The following BTG4 variants were observed in gnomAD, a reference collection of about 807,000 sequenced individuals.
BTG4 encodes the protein BTG anti-proliferation factor 4.
BTG4 carries 10 observed loss-of-function variants against 19.3 expected under a neutral mutation model. The observed-to-expected ratio is 0.52, with a 90% confidence interval of 0.32 to 0.88. The LOEUF (loss-of-function observed/expected upper bound fraction) is 0.88, where lower values mean the gene tolerates loss of function less well. Among genes scored for constraint, BTG4 ranks in the 40% least tolerant of loss-of-function variants. The probability of loss-of-function intolerance (pLI) is 0.04; values close to 1 mark genes in which losing one functional copy is unlikely to be tolerated. For missense variants in BTG4, 238 were observed against 281.9 expected, an observed-to-expected ratio of 0.84 and a Z score of 1.11; for synonymous variants, 91 against 95.7, an observed-to-expected ratio of 0.95 and a Z score of 0.29.
At chr11:111,467,490 G>A (rs150727087), downstream of BTG4, 32 of 514,240 alleles carry the variant, frequency 6.2e-5, no homozygotes, top group South Asian at 2.7e-4. Flanking sequence ...CTGATGCCAC[G>A]TAGCTGAGAT....
the BTG4 span, among the ~76,000 whole-genome samples, chr11:111,396,388 A>T: frequency 2.0e-5 from 3 of 152,004 alleles, no homozygotes; most frequent in Non-Finnish European, 2.9e-5. Context: ...AGTCAGCCCC[A>T]TTTCCCTTCC....
chr11:111,402,518 G>A, the BTG4 span, among the ~76,000 whole-genome samples: 7 of 152,176 alleles, frequency 4.6e-5, no homozygotes, highest in Non-Finnish European at 8.8e-5. Context: ...AGGAGGGATT[G>A]TTGCCTATTT....
At chr11:111,455,261 CGCT>C in the BTG4 span, 3 of 352,288 alleles carry the variant, frequency 8.5e-6, no homozygotes, top group South Asian at 6.3e-5. Flanking sequence ...TCCCCTTTGC[CGCT>C]GCTGCCATGC....
the BTG4 span, chr11:111,450,450 G>A: frequency 6.5e-6 from 1 of 152,688 alleles, no homozygotes; most frequent in African/African-American, 2.4e-5. Context: ...TGGATGGTAA[G>A]AGAGCTGGAC....
intron 5 of BTG4, among the ~76,000 whole-genome samples, chr11:111,479,714 T>C (rs1210594203): frequency 6.6e-6 from 1 of 152,104 alleles, no homozygotes; most frequent in Non-Finnish European, 1.5e-5. Context: ...ATATTATAAA[T>C]GGGGGAAGAT....
At chr11:111,402,598 C>T in the BTG4 span, among the ~76,000 whole-genome samples, 1 of 152,126 alleles carries the variant, frequency 6.6e-6, no homozygotes, top group Non-Finnish European at 1.5e-5. Context: ...AATATTTGTT[C>T]GATGGATGAA....
the BTG4 span, among the ~76,000 whole-genome samples, chr11:111,452,071 T>C: frequency 6.6e-6 from 1 of 152,238 alleles, no homozygotes; most frequent in Admixed American, 6.5e-5. Context: ...CATGGTTTTA[T>C]CTGTGTGACC....
At chr11:111,490,134 T>C (rs1176703339), downstream of BTG4, among the ~76,000 whole-genome samples, 1 of 148,208 alleles carries the variant, frequency 6.7e-6, no homozygotes, top group Non-Finnish European at 1.5e-5. Context: ...AAAAAAAAAT[T>C]AGCTGGGTGT....
In BTG4 at chr11:111,494,816, A is replaced by G. The variant is rs1289385054; in HGVS notation, c.*319T>C. The G allele has an allele frequency of 2.2e-6, 2 of 899,546 alleles. No homozygotes were observed. The highest frequency in any genetic ancestry group is 1.2e-4 in the East Asian group (1 of 8,416). 55.7% of individuals were successfully genotyped at this position (899,546 alleles called of 1,614,324 possible). ...CTTGCAACAAACTGAACTAAGAAGT[A>G]TTAAAAACACTGTACGTTTATTTAA... On this transcript the variant is annotated 3_prime_UTR_variant, in exon 5 of 5. Coordinates refer to ENST00000692032, the MANE Select transcript of BTG4 (RefSeq NM_001367975.1).
At chr11:111,509,493 G>C (rs1472292959) in intron 1 of BTG4, among the ~76,000 whole-genome samples, 3 of 151,944 alleles carry the variant, frequency 2.0e-5, no homozygotes, top group African/African-American at 7.3e-5. Flanking sequence ...TCAGGAGTTC[G>C]AGACCAGCCT....
Position 111,495,101 on chromosome 11 carries a change from T to C in BTG4, c.*34A>G. On this transcript the variant is annotated 3_prime_UTR_variant, in exon 5 of 5. Transcript: ENST00000692032. ...TTTAGAGAGAATAAAGGCACTCCTC[T>C]GAGCTCTTGCCCACCACGTGCCCAG... 1 of 1,501,774 alleles carries C rather than the reference T, an allele frequency of 6.7e-7. No homozygotes were observed. Among genetic ancestry groups the C allele is most frequent in the Non-Finnish European group, 8.9e-7 (1 of 1,128,638 alleles). 93.0% of individuals were successfully genotyped at this position (1,501,774 alleles called of 1,614,324 possible). A position where few individuals can be genotyped will look rare whatever the true frequency, so the allele number is the denominator to read the frequency against.
At chr11:111,431,405 G>T in the BTG4 span, among the ~76,000 whole-genome samples, 1 of 152,240 alleles carries the variant, frequency 6.6e-6, no homozygotes, top group South Asian at 2.1e-4. Flanking sequence ...ATAGATCAGG[G>T]AATTGAGACT....
At chr11:111,491,518 C>G (rs992285864), downstream of BTG4, among the ~76,000 whole-genome samples, 1 of 151,928 alleles carries the variant, frequency 6.6e-6, no homozygotes, top group South Asian at 2.1e-4. Context: ...GAAGCCGAAG[C>G]GGGAGGATCC....
the BTG4 span, among the ~76,000 whole-genome samples, chr11:111,398,485 G>A: frequency 8.6e-5 from 13 of 151,980 alleles, 1 homozygote; most frequent in South Asian, 1.5e-3. Context: ...ACAGAGTCTC[G>A]CTCTGTTGCT....
At chr11:111,411,976 C>T in the BTG4 span, among the ~76,000 whole-genome samples, 2 of 152,152 alleles carry the variant, frequency 1.3e-5, no homozygotes, top group Non-Finnish European at 2.9e-5. Context: ...AGAGCAAAAT[C>T]CAGTGGAATG....
chr11:111,513,078 C>A (rs1292595912), upstream of BTG4: 1 of 441,668 alleles, frequency 2.3e-6, no homozygotes, highest in Non-Finnish European at 4.9e-6. Flanking sequence ...CCGCAGCCTT[C>A]GAGAGAAGAT....
At chr11:111,455,536 C>T in the BTG4 span, 6 of 247,164 alleles carry the variant, frequency 2.4e-5, no homozygotes, top group South Asian at 4.7e-5. Context: ...TTCTGCTCGA[C>T]GCTGAGGGAG....
At chr11:111,434,129 A>G in the BTG4 span, among the ~76,000 whole-genome samples, 1 of 152,268 alleles carries the variant, frequency 6.6e-6, no homozygotes, top group African/African-American at 2.4e-5. Context: ...TATTCACAAT[A>G]GCAAAGACTT....
At chr11:111,433,792 T>A in the BTG4 span, among the ~76,000 whole-genome samples, 7 of 152,176 alleles carry the variant, frequency 4.6e-5, no homozygotes, top group African/African-American at 1.4e-4. Context: ...CCAACAGGCA[T>A]ATGAAAAAAA....
Sources: gnomAD v4.1 joint callset for allele counts (sites outside exome capture counted in the v4.1 genomes callset) on GRCh38, gnomAD v4.1.1 for gene constraint, MANE v1.5 for transcripts, NCBI Gene and HGNC (gene_info 2026-07-23, HGNC 2026-07-21) for gene names.